The following ELF1 variants were observed in gnomAD, a reference collection of about 807,000 sequenced individuals.
ELF1 encodes ETS-related transcription factor Elf-1.
In ELF1, 24 loss-of-function variants were observed where a neutral mutation model predicts 59.9. That is an observed-to-expected ratio of 0.40 (90% CI 0.29 to 0.56). The LOEUF (loss-of-function observed/expected upper bound fraction) is 0.56. ELF1 is among the 20% of genes least tolerant of loss of function. ELF1 has a pLI of 0.44. For missense variants in ELF1, 627 were observed against 742.2 expected (o/e 0.84, Z 1.80); for synonymous variants, 248 against 266.2 (o/e 0.93, Z 0.67).
intron 5 of ELF1, 122 bp from the exon 6 acceptor site, chr13:40,944,047 T>C (rs1025646053): frequency 1.3e-6 from 1 of 788,910 alleles, no homozygotes; most frequent in African/African-American, 1.8e-5. Context: ...ATGGGTCACA[T>C]ATACAGGTCT....
chr13:41,000,533 T>C (rs1038328132), intron 1 of ELF1, among the ~76,000 whole-genome samples: 5 of 152,104 alleles, frequency 3.3e-5, no homozygotes, highest in Non-Finnish European at 7.4e-5. Flanking sequence ...ACCTGGGTCT[T>C]TATCAGAGGT....
intron 1 of ELF1, among the ~76,000 whole-genome samples, chr13:40,986,462 C>T (rs1441591524): frequency 6.6e-6 from 1 of 152,190 alleles, no homozygotes; most frequent in Non-Finnish European, 1.5e-5. Context: ...GTAACAGGTG[C>T]ATGCTAGGTA....
At position 41,061,317 on chromosome 13, in the gene ELF1, AC is replaced by A. The variant is rs1378469590; in HGVS notation, c.-709del. 5 of 391,886 alleles carry A rather than the reference AC, an allele frequency of 1.3e-5. No homozygotes were observed. The Admixed American group carries it at 1.7e-4, about 13-fold the overall frequency. 24.3% of individuals were successfully genotyped at this position (391,886 alleles called of 1,614,324 possible). On this transcript the variant is annotated 5_prime_UTR_variant, in exon 1 of 2. Transcript: ENST00000405737. ...TTGGGCCCCAGGGGAGGACACAGAG[AC>A]GGCGGGATGGCGCAGGGACTTGAGG...
intron 3 of ELF1, among the ~76,000 whole-genome samples, chr13:40,958,177 C>T (rs948116114): frequency 2.0e-5 from 3 of 152,212 alleles, no homozygotes; most frequent in African/African-American, 7.2e-5. Context: ...AGTATTATTA[C>T]TACAATCTCA....
Position 40,951,354 on chromosome 13 carries a change from G to A in ELF1, c.336C>T (p.Gly112=). The change falls in exon 4 of 9, where the codon GGC becomes GGT. Residue 112 remains glycine (G), a synonymous_variant. Transcript: ENST00000239882. ...TTATTCGTTTTTCATCCAGCATAGG[G>A]CCAGGGGAATCCATATTGAGGAGTG... is the stretch of plus-strand genomic sequence containing the variant. The part of the protein sequence containing the change: ...AEALLNMDSP[G]PMLDEKRINN... The A allele has an allele frequency of 6.2e-7, 1 of 1,612,704 alleles. No individual in the cohort carries two copies. The highest frequency in any genetic ancestry group is 8.5e-7 in the Non-Finnish European group (1 of 1,179,210).
intron 3 of ELF1, among the ~76,000 whole-genome samples, chr13:40,954,681 C>T (rs1380687640): frequency 1.3e-4 from 20 of 152,228 alleles, no homozygotes; most frequent in African/African-American, 4.1e-4. Context: ...AGCTCCTAAC[C>T]GCGAGTGATC....
chr13:40,952,427 T>C lies in ELF1; in HGVS notation c.254-991A>G, dbSNP rs151234265. Among the ~76,000 whole-genome samples the C allele has an allele frequency of 1.4e-4, 21 of 151,870 alleles. No homozygotes were observed. In the East Asian group the frequency reaches 3.9e-3, roughly 28 times the overall value. On this transcript the variant is annotated intron_variant, in intron 3 of 8. Coordinates refer to ENST00000239882, the MANE Select transcript of ELF1 (RefSeq NM_172373.4). ...CCCAGGCTAGAGTGCAGTGGCTCAA[T>C]TATAGCTCACTGCAACCATAAACTC...
intron 1 of ELF1, among the ~76,000 whole-genome samples, chr13:41,016,853 G>A (rs1261813816): frequency 2.2e-5 from 3 of 134,388 alleles, no homozygotes; most frequent in African/African-American, 8.4e-5. Flanking sequence ...GACGGAAGTT[G>A]CAGTGAGCCG....
At chr13:40,981,177 T>C (rs1873246670) in intron 2 of ELF1, among the ~76,000 whole-genome samples, 1 of 152,146 alleles carries the variant, frequency 6.6e-6, no homozygotes, top group Non-Finnish European at 1.5e-5. Flanking sequence ...CAACTTTAGG[T>C]TGGTTCTCAA....
intron 1 of ELF1, among the ~76,000 whole-genome samples, chr13:40,997,501 C>T (rs985262720): frequency 6.6e-6 from 1 of 152,044 alleles, no homozygotes; most frequent in Admixed American, 6.6e-5. Flanking sequence ...TGTGATCCAC[C>T]CACCTTGGCC....
intron 8 of ELF1, 38 bp from the exon 9 acceptor site, chr13:40,934,066 T>C: frequency 6.4e-7 from 1 of 1,566,540 alleles, no homozygotes. Context: ...ACAATTAGCA[T>C]ATTCTACATC....
intron 1 of ELF1, among the ~76,000 whole-genome samples, chr13:41,047,263 C>T (rs1385600648): frequency 6.6e-6 from 1 of 152,308 alleles, no homozygotes; most frequent in Admixed American, 6.5e-5. Flanking sequence ...CGTCTGAAGC[C>T]TTCTTCTCTC....
At chr13:41,000,567 G>A (rs994364750) in intron 1 of ELF1, among the ~76,000 whole-genome samples, 1 of 151,796 alleles carries the variant, frequency 6.6e-6, no homozygotes, top group African/African-American at 2.4e-5. Flanking sequence ...TCGCTTTGTT[G>A]TACTCTTGGA....
chr13:40,945,290 C>CT (rs1870437261), intron 5 of ELF1, among the ~76,000 whole-genome samples: 1 of 152,210 alleles, frequency 6.6e-6, no homozygotes, highest in African/African-American at 2.4e-5. Context: ...CCAACATCTT[C>CT]CTAATCATTC....
At chr13:41,024,477 C>T (rs1401929326) in intron 1 of ELF1, among the ~76,000 whole-genome samples, 1 of 152,160 alleles carries the variant, frequency 6.6e-6, no homozygotes, top group Non-Finnish European at 1.5e-5. Context: ...GCATGCACCA[C>T]AATGTGGTTA....
chr13:41,021,074 C>A (rs934824456), upstream of ELF1, among the ~76,000 whole-genome samples: 4 of 152,082 alleles, frequency 2.6e-5, no homozygotes, highest in Admixed American at 1.3e-4. Context: ...AAGTATATTA[C>A]CATACACTAA....
chr13:41,060,238 C>A (rs896776450), intron 1 of ELF1, among the ~76,000 whole-genome samples: 4 of 152,190 alleles, frequency 2.6e-5, no homozygotes, highest in African/African-American at 9.6e-5. Context: ...CGTGGGGCCT[C>A]GTAAATACCC....
chr13:41,057,498 C>G (rs375764199), intron 1 of ELF1, among the ~76,000 whole-genome samples: 1 of 152,088 alleles, frequency 6.6e-6, no homozygotes, highest in East Asian at 1.9e-4. Context: ...GCCTCCAGGG[C>G]TCAAGTGATC....
chr13:40,992,122 G>A (rs183919340), intron 1 of ELF1, among the ~76,000 whole-genome samples: 63 of 152,082 alleles, frequency 4.1e-4, no homozygotes, highest in African/African-American at 1.4e-3. Flanking sequence ...TTCTTTCCAC[G>A]TTTATTTAAT....
Sources: gnomAD v4.1 joint callset for allele counts (sites outside exome capture counted in the v4.1 genomes callset) on GRCh38, gnomAD v4.1.1 for gene constraint, MANE v1.5 for transcripts, NCBI Gene and HGNC (gene_info 2026-07-23, HGNC 2026-07-21) for gene names.